The following FAM184B variants were observed in gnomAD, a reference collection of about 807,000 sequenced individuals.
The protein encoded by FAM184B is family with sequence similarity 184 member B.
Under a neutral mutation model 135.9 loss-of-function variants are expected in FAM184B, and 111 were observed. The observed-to-expected ratio is 0.82, with a 90% CI of 0.70 to 0.96. FAM184B has a LOEUF of 0.96. Ranked by LOEUF, FAM184B falls within the 40% of genes least tolerant of loss-of-function variation. The pLI is 0.00. For synonymous variants in FAM184B, 552 were observed against 524.8 expected, an observed-to-expected ratio of 1.05 and a Z score of -0.71; for missense variants, 1,375 against 1,323.9, an observed-to-expected ratio of 1.04 and a Z score of -0.60.
rs762520321 is a variant in FAM184B, at chr4:17,630,244, AG to A, written c.*2287del. The A allele has an allele frequency of 3.9e-5, 6 of 152,182 alleles. No individual in the cohort carries two copies. The South Asian group carries it at 1.2e-3, about 31-fold the overall frequency. 9.4% of individuals were successfully genotyped at this position (152,182 alleles called of 1,614,324 possible). A position where few individuals can be genotyped will look rare whatever the true frequency, so the allele number is the denominator to read the frequency against. ...AGCACAAAATAAAGAGCAGTCCTACAGGGTTCACTGCTATGTCCTGAATGTT... is the reference window on the plus strand; with the variant it reads ...AGCACAAAATAAAGAGCAGTCCTACAGGTTCACTGCTATGTCCTGAATGTT... On this transcript the variant is annotated 3_prime_UTR_variant, in exon 18 of 18. Coordinates refer to ENST00000265018, the MANE Select transcript of FAM184B (RefSeq NM_015688.2).
chr4:17,639,605 C>A (rs1049239045), intron 13 of FAM184B, among the ~76,000 whole-genome samples: 2 of 152,142 alleles, frequency 1.3e-5, no homozygotes, highest in African/African-American at 4.8e-5. Context: ...CTTCTCAGCA[C>A]CCTCCCATCT....
chr4:17,741,557 G>A (rs1243910600), intron 1 of FAM184B, among the ~76,000 whole-genome samples: 1 of 152,152 alleles, frequency 6.6e-6, no homozygotes, highest in Non-Finnish European at 1.5e-5. Flanking sequence ...AGCTGGGCGT[G>A]GTGGCGCATG....
intron 1 of FAM184B, among the ~76,000 whole-genome samples, chr4:17,739,228 G>C (rs1044581644): frequency 6.6e-6 from 1 of 152,072 alleles, no homozygotes; most frequent in African/African-American, 2.4e-5. Flanking sequence ...TTCCTGGCAG[G>C]CTCCTTCCCC....
intron 9 of FAM184B, among the ~76,000 whole-genome samples, chr4:17,659,549 C>T (rs935312901): frequency 3.3e-5 from 5 of 151,782 alleles, no homozygotes; most frequent in Non-Finnish European, 5.9e-5. Flanking sequence ...TGCAGCGGTG[C>T]GATCTCGGCT....
At chr4:17,720,405 A>G (rs1321688618) in intron 1 of FAM184B, among the ~76,000 whole-genome samples, 5 of 152,182 alleles carry the variant, frequency 3.3e-5, no homozygotes, top group Non-Finnish European at 5.9e-5. Flanking sequence ...GATGCTCAAC[A>G]TCTTTAATCA....
At chr4:17,752,441 TAGAGG>T (rs1718326378) in intron 1 of FAM184B, among the ~76,000 whole-genome samples, 1 of 152,038 alleles carries the variant, frequency 6.6e-6, no homozygotes. Context: ...GATAGCTTAC[TAGAGG>T]AACAATGAGT....
chr4:17,637,083 A>G (rs1448040849), intron 14 of FAM184B, among the ~76,000 whole-genome samples: 2 of 152,076 alleles, frequency 1.3e-5, no homozygotes, highest in Admixed American at 6.5e-5. Context: ...CTGCAGTGCA[A>G]TGGCGCGGTC....
chr4:17,755,879 G>A (rs1346266992), intron 1 of FAM184B, among the ~76,000 whole-genome samples: 1 of 152,096 alleles, frequency 6.6e-6, no homozygotes. Context: ...GGACACATGG[G>A]GTAAACAACA....
intron 15 of FAM184B, among the ~76,000 whole-genome samples, chr4:17,635,964 T>C (rs1417819899): frequency 6.6e-6 from 1 of 152,230 alleles, no homozygotes; most frequent in African/African-American, 2.4e-5. Context: ...TAAGCCATTA[T>C]AGATTTTCTC....
In FAM184B at chr4:17,632,601, T is replaced by G. The variant is rs1231548650; in HGVS notation, c.3114A>C (p.Gln1038His). 2 of 1,550,990 alleles carry G rather than the reference T, an allele frequency of 1.3e-6. No individual in the cohort carries two copies. The highest frequency in any genetic ancestry group is 2.7e-5 in the African/African-American group (2 of 73,024). Reference sequence around the variant, plus strand: ...CCTGTTTCTGCTGGACTTCTTTGGCTTGGGCCGTTTCACCATCTGGGGTCC... The same window carrying G: ...CCTGTTTCTGCTGGACTTCTTTGGCGTGGGCCGTTTCACCATCTGGGGTCC... ...ATRTPDGETA[Q>H]AKEVQQKQGS... is the part of the protein sequence containing the mutation. Residue 1038 changes from glutamine to histidine, a missense_variant, in exon 18 of 18, where the codon CAA (glutamine) becomes CAC (histidine). Gln to His is a conservative substitution (Grantham distance 24). Transcript: ENST00000265018.
chr4:17,709,137 T>G lies in FAM184B; in HGVS notation c.649A>C (p.Lys217Gln). The change falls in exon 2 of 18, where the codon AAG becomes CAG. Residue 217 changes from lysine to glutamine, a missense_variant. By Grantham distance (53) the Lys-to-Gln change is moderately conservative. Coordinates refer to ENST00000265018, the MANE Select transcript of FAM184B (RefSeq NM_015688.2). ...NQQLSKDYAR[K>Q]AEELQATYER... ...TAGGTGGCCTGCAGCTCCTCGGCCT[T>G]GCGGGCGTAGTCCTTGCTCAGCTGC... 1 of 1,548,538 alleles carries G rather than the reference T, an allele frequency of 6.5e-7. No individual in the cohort carries two copies. The highest frequency in any genetic ancestry group is 8.7e-7 in the Non-Finnish European group (1 of 1,146,962).
At chr4:17,641,999 G>A (rs1479796544) in intron 13 of FAM184B, 57 bp downstream of exon 13, 86 of 1,475,700 alleles carry the variant, frequency 5.8e-5, no homozygotes, top group Admixed American at 1.6e-4. Flanking sequence ...GGGGGAGGGG[G>A]GGTGGCGGGG....
intron 1 of FAM184B, among the ~76,000 whole-genome samples, chr4:17,767,617 A>G (rs1019921818): frequency 6.6e-6 from 1 of 152,160 alleles, no homozygotes; most frequent in Non-Finnish European, 1.5e-5. Context: ...CATTATGGGC[A>G]TGGTGACGTT....
At chr4:17,689,142 AG>A (rs1716665394) in intron 6 of FAM184B, among the ~76,000 whole-genome samples, 2 of 152,192 alleles carry the variant, frequency 1.3e-5, no homozygotes, top group Non-Finnish European at 1.5e-5. Flanking sequence ...CATTCCTGGA[AG>A]GCCACTCAAT....
chr4:17,703,412 C>T (rs903183655), intron 5 of FAM184B, among the ~76,000 whole-genome samples: 1 of 151,942 alleles, frequency 6.6e-6, no homozygotes, highest in African/African-American at 2.4e-5. Flanking sequence ...GTGGAAGGAT[C>T]CCTTGAGCCC....
At chr4:17,674,694 A>G (rs1186161800) in intron 7 of FAM184B, among the ~76,000 whole-genome samples, 1 of 152,228 alleles carries the variant, frequency 6.6e-6, no homozygotes, top group African/African-American at 2.4e-5. Context: ...TCACTGATCT[A>G]TTAACTAAGT....
rs1715041831 is a variant in FAM184B, at chr4:17,633,892, T to TG, written c.2890-5_2890-4insC. The TG allele has an allele frequency of 6.5e-7, 1 of 1,544,000 alleles. No individual in the cohort carries two copies. Among genetic ancestry groups the TG allele is most frequent in the Admixed American group, 2.0e-5 (1 of 49,712 alleles). ...GCACGTCCTCCACCTTCTTTTTCTG[T>TG]TTGTATTAATGGACAGGTTAGTGCA... On this transcript the variant is annotated splice_region_variant and splice_polypyrimidine_tract_variant and intron_variant, in intron 16 of 17. Coordinates refer to ENST00000265018, the MANE Select transcript of FAM184B (RefSeq NM_015688.2).
At chr4:17,741,670 G>T (rs781679667) in intron 1 of FAM184B, among the ~76,000 whole-genome samples, 3 of 152,160 alleles carry the variant, frequency 2.0e-5, no homozygotes, top group Non-Finnish European at 4.4e-5. Flanking sequence ...TCCAGCCTGG[G>T]CAACAGAGCA....
intron 7 of FAM184B, among the ~76,000 whole-genome samples, chr4:17,682,066 C>G (rs1716454636): frequency 6.6e-6 from 1 of 152,142 alleles, no homozygotes; most frequent in African/African-American, 2.4e-5. Context: ...AGTGATGGTA[C>G]TCAGACATAT....
Sources: allele counts gnomAD v4.1 joint callset (sites outside exome capture counted in the v4.1 genomes callset), GRCh38; gene constraint gnomAD v4.1.1; transcripts MANE v1.5; gene names NCBI Gene and HGNC (gene_info 2026-07-23, HGNC 2026-07-21).